GRB14: variants seen among roughly 807,000 people sequenced by gnomAD.
GRB14 encodes growth factor receptor bound protein 14.
In GRB14, 38 loss-of-function variants were observed where a neutral mutation model predicts 69.1. The ratio of observed to expected loss-of-function variants is 0.55; its 90% CI spans 0.42 to 0.72. The LOEUF is 0.72. GRB14 is among the 30% of genes least tolerant of loss of function. The pLI, the probability that GRB14 is intolerant of heterozygous loss-of-function variation, is 0.00. For synonymous variants in GRB14, 247 were observed against 241.3 expected, an observed-to-expected ratio of 1.02 and a Z score of -0.22; for missense variants, 666 against 666.1, an observed-to-expected ratio of 1.00 and a Z score of 0.00.
intron 9 of GRB14, among the ~76,000 whole-genome samples, chr2:164,500,188 T>C (rs1452430908): frequency 6.6e-6 from 1 of 152,104 alleles, no homozygotes; most frequent in Non-Finnish European, 1.5e-5. Context: ...CTCCTTTAAA[T>C]GAATCCTTTG....
chr2:164,541,530 G>T (rs1574288986), intron 3 of GRB14, among the ~76,000 whole-genome samples: 2 of 151,476 alleles, frequency 1.3e-5, no homozygotes, highest in East Asian at 3.9e-4. Context: ...CTGGAGGATT[G>T]TTTGAGTCCA....
chr2:164,531,744 G>A (rs949316167), intron 3 of GRB14, among the ~76,000 whole-genome samples: 8 of 152,110 alleles, frequency 5.3e-5, no homozygotes, highest in Non-Finnish European at 1.0e-4. Flanking sequence ...GGTCCCAAGT[G>A]ACCCCATATC....
intron 8 of GRB14, among the ~76,000 whole-genome samples, 175 bp downstream of exon 8, chr2:164,508,280 T>C (rs1425038634): frequency 6.6e-6 from 1 of 152,226 alleles, no homozygotes; most frequent in Non-Finnish European, 1.5e-5. Flanking sequence ...GTTATTCCAC[T>C]CTACTCCGAA....
rs1688885866 is a variant in GRB14 at position 164,563,415 on chromosome 2, C to A, written c.325-15599G>T. On this transcript the variant is annotated intron_variant, in intron 2 of 13. Transcript: ENST00000263915. ...GGCAGTGTGCTACACTCCAGGCCCG[C>A]ATTTCCTGACTCCTCTTGTATCCAG... Among the ~76,000 whole-genome samples, 4 of 152,128 alleles carry A rather than the reference C, an allele frequency of 2.6e-5. No homozygotes were observed. The South Asian group carries it at 8.3e-4, about 32-fold the overall frequency.
Position 164,521,992 on chromosome 2 carries a change from T to A in GRB14, c.804A>T (p.Lys268Asn), listed in dbSNP as rs1294692472. 1 of 1,601,066 alleles carries A rather than the reference T, an allele frequency of 6.2e-7. No homozygotes were observed. Among genetic ancestry groups the A allele is most frequent in the South Asian group, 1.1e-5 (1 of 89,818 alleles). The stretch of plus-strand genomic sequence containing the variant: ...TACTTCAATTTACCTTTGATGTTCC[T>A]TTAGTAGAAAAATATAAACCAGATC... ...LRRSGLYFST[K>N]GTSKEPRHLQ... The change falls in exon 6 of 14, where the codon AAA (lysine) becomes AAT (asparagine). Residue 268 changes from lysine (K) to asparagine (N), a missense_variant. Lys to Asn is a moderately conservative substitution (Grantham distance 94, BLOSUM62 0). Coordinates refer to ENST00000263915, the MANE Select transcript of GRB14 (RefSeq NM_004490.3).
intron 2 of GRB14, among the ~76,000 whole-genome samples, chr2:164,594,325 G>C (rs1408279215): frequency 1.3e-5 from 2 of 152,124 alleles, no homozygotes; most frequent in African/African-American, 4.8e-5. Context: ...ACTTAAGCAA[G>C]CATTATTTTG....
chr2:164,544,529 A>T (rs1688317159), intron 3 of GRB14, among the ~76,000 whole-genome samples: 2 of 152,246 alleles, frequency 1.3e-5, no homozygotes, highest in Middle Eastern at 3.2e-3. Context: ...GAGAATTAAC[A>T]CCATACTTCT....
chr2:164,575,054 G>A (rs1364637427), intron 2 of GRB14, among the ~76,000 whole-genome samples: 1 of 152,050 alleles, frequency 6.6e-6, no homozygotes, highest in Non-Finnish European at 1.5e-5. Flanking sequence ...AAGTTTTCTA[G>A]TAGCTTGTTT....
At chr2:164,496,868 G>T (rs2105255176) in intron 12 of GRB14, 140 bp downstream of exon 12, 1 of 657,482 alleles carries the variant, frequency 1.5e-6, no homozygotes, top group Non-Finnish European at 2.7e-6. Flanking sequence ...ATACAGTGAT[G>T]ACCTCATTTA....
rs11765 is a variant in GRB14 at position 164,492,953 on chromosome 2, T to C, written c.*83A>G. On this transcript the variant is annotated 3_prime_UTR_variant, in exon 14 of 14. Coordinates refer to ENST00000263915, the MANE Select transcript of GRB14 (RefSeq NM_004490.3). ...GAAATACATTCTTTTCACATGGTAA[T>C]GTTTTCGCCCTTATTTATGGTCTTT... 0.16 allele frequency: 206,601 copies of C among 1,253,476 alleles called. 18,738 individuals are homozygous for C. The highest frequency in any genetic ancestry group is 0.18 in the Middle Eastern group (909 of 5,058). The allele number at this position is 1,253,476 out of a possible 1,614,324, so 77.6% of individuals were successfully genotyped here.
intron 2 of GRB14, among the ~76,000 whole-genome samples, chr2:164,605,287 T>A (rs898858291): frequency 2.0e-5 from 3 of 152,134 alleles, no homozygotes; most frequent in Admixed American, 1.3e-4. Flanking sequence ...AGATATCTTA[T>A]TTTCTAGTAC....
chr2:164,566,586 T>C (rs1213244467), intron 2 of GRB14, among the ~76,000 whole-genome samples: 1 of 152,072 alleles, frequency 6.6e-6, no homozygotes, highest in Non-Finnish European at 1.5e-5. Context: ...CTTTCCAGAG[T>C]AATCTTGTTT....
chr2:164,591,129 A>C (rs1034176523), intron 2 of GRB14, among the ~76,000 whole-genome samples: 2 of 152,240 alleles, frequency 1.3e-5, no homozygotes, highest in African/African-American at 4.8e-5. Flanking sequence ...TTAAATAGAT[A>C]AATTGGCAGT....
At chr2:164,607,363 T>C (rs954316136) in intron 2 of GRB14, among the ~76,000 whole-genome samples, 2 of 152,208 alleles carry the variant, frequency 1.3e-5, no homozygotes, top group Non-Finnish European at 1.5e-5. Flanking sequence ...AGAGATTGAA[T>C]AAATAAAGCT....
intron 2 of GRB14, among the ~76,000 whole-genome samples, chr2:164,569,500 A>G (rs1279334283): frequency 1.3e-5 from 2 of 152,198 alleles, no homozygotes; most frequent in African/African-American, 4.8e-5. Flanking sequence ...TCAGCGGGAG[A>G]AGAACTGGTA....
At chr2:164,570,220 T>C (rs1574319892) in intron 2 of GRB14, among the ~76,000 whole-genome samples, 3 of 133,654 alleles carry the variant, frequency 2.2e-5, no homozygotes, top group Admixed American at 9.1e-5. Flanking sequence ...GAGGTTGCAG[T>C]GAGCCGAGAT....
chr2:164,596,603 C>T (rs1689786099), intron 2 of GRB14, among the ~76,000 whole-genome samples: 1 of 152,132 alleles, frequency 6.6e-6, no homozygotes, highest in Non-Finnish European at 1.5e-5. Context: ...TGAGGAATTA[C>T]TTAAAGTACA....
In GRB14 at chr2:164,522,321, C is replaced by T. The variant is rs568974555; in HGVS notation, c.679-204G>A. Among the ~76,000 whole-genome samples, 13 of 152,122 alleles carry T rather than the reference C, an allele frequency of 8.5e-5. No homozygotes were observed. In the East Asian group the frequency reaches 1.6e-3, roughly 18 times the overall value. The stretch of plus-strand genomic sequence containing the variant: ...ATATCTCTCTCCTCTGTCTCTCTTT[C>T]TATCTCCGTGTGTGTATACACACAC... On this transcript the variant is annotated intron_variant, in intron 5 of 13. Coordinates refer to ENST00000263915, the MANE Select transcript of GRB14 (RefSeq NM_004490.3).
At chr2:164,551,079 G>C (rs1486517052) in intron 2 of GRB14, among the ~76,000 whole-genome samples, 1 of 152,156 alleles carries the variant, frequency 6.6e-6, no homozygotes, top group African/African-American at 2.4e-5. Context: ...GTATTTATAT[G>C]ATAGAAACCA....
Sources: allele counts gnomAD v4.1 joint callset (sites outside exome capture counted in the v4.1 genomes callset), GRCh38; gene constraint gnomAD v4.1.1; transcripts MANE v1.5; gene names NCBI Gene and HGNC (gene_info 2026-07-23, HGNC 2026-07-21).